ABTB3: variants seen among roughly 807,000 people sequenced by gnomAD.
ABTB3 encodes ankyrin repeat and BTB domain containing 3.
At chr12:107,623,408 C>T in the ABTB3 span, among the ~76,000 whole-genome samples, 1 of 145,386 alleles carries the variant, frequency 6.9e-6, no homozygotes, top group Non-Finnish European at 1.5e-5. Context: ...ACTCCGTCGC[C>T]CAGGCTGGAG....
chr12:107,633,466 A>T, the ABTB3 span, among the ~76,000 whole-genome samples: 43 of 152,344 alleles, frequency 2.8e-4, no homozygotes, highest in African/African-American at 9.9e-4. Flanking sequence ...CATGTAAAGT[A>T]ACGTGTTCAT....
chr12:107,403,117 C>T, the ABTB3 span, among the ~76,000 whole-genome samples: 1 of 152,158 alleles, frequency 6.6e-6, no homozygotes, highest in Non-Finnish European at 1.5e-5. Flanking sequence ...TAATGAGGGA[C>T]CTGTAATATC....
chr12:107,433,117 C>G, the ABTB3 span, among the ~76,000 whole-genome samples: 1 of 150,072 alleles, frequency 6.7e-6, no homozygotes, highest in Non-Finnish European at 1.5e-5. Context: ...AACCCCGTCT[C>G]TACTAAAAAT....
chr12:107,565,121 CAGG>C, the ABTB3 span, among the ~76,000 whole-genome samples: 2 of 152,184 alleles, frequency 1.3e-5, no homozygotes, highest in South Asian at 4.1e-4. Flanking sequence ...AAGCTGGAAA[CAGG>C]AGAACAGGTG....
At chr12:107,632,865 T>C in the ABTB3 span, among the ~76,000 whole-genome samples, 8 of 152,200 alleles carry the variant, frequency 5.3e-5, no homozygotes, top group South Asian at 2.1e-4. Flanking sequence ...CACACTTAAC[T>C]CCTAGTGTGG....
chr12:107,635,480 G>A, the ABTB3 span: 3 of 1,199,936 alleles, frequency 2.5e-6, no homozygotes, highest in Non-Finnish European at 3.6e-6. Context: ...CCAGGAGGGA[G>A]GGGGTTCAAG....
At chr12:107,386,742 G>A in the ABTB3 span, among the ~76,000 whole-genome samples, 1 of 152,120 alleles carries the variant, frequency 6.6e-6, no homozygotes, top group Non-Finnish European at 1.5e-5. Flanking sequence ...TGGCTGCTTG[G>A]TCTTGTTCAG....
At chr12:107,648,380 C>CACACACACACACACACACACA in the ABTB3 span, among the ~76,000 whole-genome samples, 1 of 140,100 alleles carries the variant, frequency 7.1e-6, no homozygotes, top group South Asian at 2.4e-4. Flanking sequence ...GACCCCATCT[C>CACACACACACACACACACACA]CACACACACA....
chr12:107,449,666 T>A, the ABTB3 span, among the ~76,000 whole-genome samples: 14 of 152,128 alleles, frequency 9.2e-5, no homozygotes, highest in Non-Finnish European at 2.1e-4. Flanking sequence ...ACTTTTTTTT[T>A]AAGAGATGGG....
the ABTB3 span, among the ~76,000 whole-genome samples, chr12:107,616,196 A>AC: frequency 6.6e-6 from 1 of 152,174 alleles, no homozygotes; most frequent in East Asian, 1.9e-4. Context: ...TCATTCCTTA[A>AC]CATGCAAGGA....
the ABTB3 span, among the ~76,000 whole-genome samples, chr12:107,382,458 T>C: frequency 2.0e-5 from 3 of 152,292 alleles, no homozygotes; most frequent in East Asian, 1.9e-4. Flanking sequence ...TGCTCTCTGT[T>C]TGTCTATTAT....
chr12:107,367,725 G>A, the ABTB3 span, among the ~76,000 whole-genome samples: 1 of 151,952 alleles, frequency 6.6e-6, no homozygotes, highest in Non-Finnish European at 1.5e-5. Flanking sequence ...GGGCAGTCTC[G>A]AACTCCTGAG....
the ABTB3 span, among the ~76,000 whole-genome samples, chr12:107,424,343 A>G: frequency 6.6e-6 from 1 of 152,006 alleles, no homozygotes. Flanking sequence ...CCCCTCACCC[A>G]CTGCAGGTAA....
At chr12:107,368,712 GC>G in the ABTB3 span, among the ~76,000 whole-genome samples, 30 of 152,178 alleles carry the variant, frequency 2.0e-4, no homozygotes, top group African/African-American at 7.0e-4. Context: ...CCCACCAGTG[GC>G]GCGGAGGGGT....
At chr12:107,351,020 A>G in the ABTB3 span, among the ~76,000 whole-genome samples, 1 of 152,132 alleles carries the variant, frequency 6.6e-6, no homozygotes, top group Non-Finnish European at 1.5e-5. Context: ...GGTCTTTGCT[A>G]GTAAGATTGG....
At chr12:107,505,882 A>G in the ABTB3 span, among the ~76,000 whole-genome samples, 7 of 152,192 alleles carry the variant, frequency 4.6e-5, no homozygotes, top group African/African-American at 1.7e-4. Flanking sequence ...TTATGGCTGC[A>G]TAGTATTCCA....
chr12:107,475,241 T>C, the ABTB3 span, among the ~76,000 whole-genome samples: 2 of 152,194 alleles, frequency 1.3e-5, no homozygotes, highest in Middle Eastern at 3.2e-3. Context: ...TGCATGCTCA[T>C]GGGTTCGTGG....
At chr12:107,582,535 C>T in the ABTB3 span, among the ~76,000 whole-genome samples, 1 of 152,224 alleles carries the variant, frequency 6.6e-6, no homozygotes, top group Non-Finnish European at 1.5e-5. Context: ...CCTACAATAA[C>T]AGCCCATCTC....
the ABTB3 span, among the ~76,000 whole-genome samples, chr12:107,548,524 G>A: frequency 3.9e-5 from 6 of 152,116 alleles, no homozygotes; most frequent in African/African-American, 4.8e-5. Flanking sequence ...GGATAGTTTC[G>A]TTTTTCATTG....
Sources: allele counts gnomAD v4.1 joint callset (sites outside exome capture counted in the v4.1 genomes callset), GRCh38; gene constraint gnomAD v4.1.1; transcripts MANE v1.5; gene names NCBI Gene and HGNC (gene_info 2026-07-23, HGNC 2026-07-21).